The following ATP2C2 variants were observed in gnomAD, a reference collection of about 807,000 sequenced individuals.
ATP2C2 encodes ATPase secretory pathway Ca2+ transporting 2.
A neutral mutation model predicts 110.8 loss-of-function variants in ATP2C2; 171 were observed. That is an observed-to-expected ratio of 1.54 (90% CI 1.36 to 1.75). The LOEUF (loss-of-function observed/expected upper bound fraction) is 1.75, where lower values mean the gene tolerates loss of function less well. Ranked by LOEUF, ATP2C2 falls within the 40% of genes most tolerant of loss-of-function variation. The probability of loss-of-function intolerance (pLI) is 0.00; values close to 1 mark genes in which losing one functional copy is unlikely to be tolerated. For missense variants in ATP2C2, 1,963 were observed against 1,235.0 expected, an observed-to-expected ratio of 1.59 and a Z score of -8.84; for synonymous variants, 804 against 508.4, an observed-to-expected ratio of 1.58 and a Z score of -7.82.
chr16:84,406,722 C>T (rs1039549361), intron 3 of ATP2C2: 13 of 898,162 alleles, frequency 1.4e-5, no homozygotes, highest in South Asian at 1.0e-4. Flanking sequence ...TGGAGGCTCC[C>T]GGAAGTTGGG....
intron 21 of ATP2C2, among the ~76,000 whole-genome samples, chr16:84,455,410 C>G (rs1049346369): frequency 6.6e-6 from 1 of 152,142 alleles, no homozygotes; most frequent in African/African-American, 2.4e-5. Flanking sequence ...CGTTTGAGGC[C>G]TGCGTGTTGA....
chr16:84,380,512 G>A (rs533091542), intron 1 of ATP2C2, among the ~76,000 whole-genome samples: 18 of 152,162 alleles, frequency 1.2e-4, no homozygotes, highest in Middle Eastern at 3.2e-3. Context: ...TGGGGGAGGC[G>A]GAGGGAGGAA....
rs200187370 is a variant in ATP2C2, at chr16:84,460,728, G to A, written c.2408G>A (p.Arg803Lys). 1.1e-5 allele frequency: 17 copies of A among 1,614,190 alleles called. No individual in the cohort carries two copies. The Admixed American group carries it at 2.7e-4, about 25-fold the overall frequency. The change falls in exon 24 of 27, where the codon AGA (arginine) becomes AAA (lysine). Residue 803 changes from arginine to lysine, a missense_variant. By Grantham distance (26) the Arg-to-Lys change is conservative. Coordinates refer to ENST00000262429, the MANE Select transcript of ATP2C2 (RefSeq NM_014861.4). The part of the protein sequence containing the change: ...PRSVRDTILS[R>K]ALILKILMSA... Reference sequence around the variant, plus strand: ...AGTGTGCGGGACACCATCCTCAGCAGAGCCCTCATCCTGAAGATCCTCATG... The same window carrying A: ...AGTGTGCGGGACACCATCCTCAGCAAAGCCCTCATCCTGAAGATCCTCATG...
At chr16:84,440,486 C>T (rs561467295) in intron 13 of ATP2C2, among the ~76,000 whole-genome samples, 142 of 152,320 alleles carry the variant, frequency 9.3e-4, no homozygotes, top group Middle Eastern at 3.4e-3. Context: ...CTCAGTGTGC[C>T]GCAACGGCAG....
At chr16:84,426,728 T>C (rs1490710921) in intron 11 of ATP2C2, among the ~76,000 whole-genome samples, 1 of 152,196 alleles carries the variant, frequency 6.6e-6, no homozygotes, top group African/African-American at 2.4e-5. Context: ...TTTACAACTC[T>C]ATCCAAGCCC....
chr16:84,461,944 G>T, intron 25 of ATP2C2, 44 bp from the exon 26 acceptor site: 1 of 1,609,254 alleles, frequency 6.2e-7, no homozygotes, highest in East Asian at 2.2e-5. Context: ...CTGTACCTGG[G>T]GTGTGGACAG....
In ATP2C2 at chr16:84,423,178, A is replaced by G. The variant is rs908632665; in HGVS notation, c.844-10A>G. The G allele has an allele frequency of 2.5e-6, 4 of 1,613,044 alleles. No homozygotes were observed. The African/African-American group carries it at 5.3e-5, about 22-fold the overall frequency. On this transcript the variant is annotated splice_polypyrimidine_tract_variant and intron_variant, in intron 9 of 26. Transcript: ENST00000262429. The stretch of plus-strand genomic sequence containing the variant: ...CTTGTCCAACTAACCCATTGTGCTC[A>G]CCCTTTCAGACACCTAAAACTCCTT...
At chr16:84,427,816 C>T (rs1417231722) in intron 11 of ATP2C2, among the ~76,000 whole-genome samples, 2 of 152,074 alleles carry the variant, frequency 1.3e-5, no homozygotes, top group Non-Finnish European at 2.9e-5. Flanking sequence ...TGACTCCTAA[C>T]AGTTATGGGG....
At chr16:84,424,098 A>T (rs1907591199) in intron 10 of ATP2C2, among the ~76,000 whole-genome samples, 1 of 152,256 alleles carries the variant, frequency 6.6e-6, no homozygotes, top group Non-Finnish European at 1.5e-5. Context: ...ATCAAGGAAT[A>T]AACCAACAAG....
At chr16:84,449,031 A>T (rs919349739) in intron 17 of ATP2C2, among the ~76,000 whole-genome samples, 29 of 152,234 alleles carry the variant, frequency 1.9e-4, no homozygotes, top group African/African-American at 6.3e-4. Context: ...AGTTCTTTTC[A>T]GTCAAGGAAC....
intron 6 of ATP2C2, 68 bp downstream of exon 6, chr16:84,410,833 A>AGTTT: frequency 6.8e-7 from 1 of 1,480,688 alleles, no homozygotes; most frequent in Non-Finnish European, 9.4e-7. Flanking sequence ...AGTTTGGCAA[A>AGTTT]TGTTTGCTGA....
At chr16:84,453,400 C>G (rs372664414) in intron 20 of ATP2C2, 29 bp downstream of exon 20, 5 of 1,613,704 alleles carry the variant, frequency 3.1e-6, no homozygotes, top group South Asian at 1.1e-5. Flanking sequence ...GCACAGGCTG[C>G]GCTGCTGGGG....
At chr16:84,405,316 T>G in intron 3 of ATP2C2, 72 bp downstream of exon 3, 1 of 1,300,104 alleles carries the variant, frequency 7.7e-7, no homozygotes, top group Non-Finnish European at 1.1e-6. Context: ...ATTCCATCTT[T>G]CAATGTTGAT....
Position 84,408,436 on chromosome 16 carries a change from G to T in ATP2C2, c.359G>T (p.Gly120Val). ...AACCCCCTGATCCTGCTGCTGCTGG[G>T]CTCTGCCCTGGTGAGTGTCCTCACC... ...FKNPLILLLLGSALVSVLTKE... is the reference protein window; with the variant it reads ...FKNPLILLLLVSALVSVLTKE... The change falls in exon 4 of 27, where the codon GGC (glycine) becomes GTC (valine). Residue 120 changes from glycine to valine, a missense_variant. Physicochemically the swap from Gly to Val is moderately radical, Grantham distance 109. Transcript: ENST00000262429. The T allele has an allele frequency of 1.2e-6, 2 of 1,613,810 alleles. No individual in the cohort carries two copies. The highest frequency in any genetic ancestry group is 8.5e-7 in the Non-Finnish European group (1 of 1,180,004).
intron 7 of ATP2C2, among the ~76,000 whole-genome samples, chr16:84,416,578 G>C (rs1906853371): frequency 6.6e-6 from 1 of 152,140 alleles, no homozygotes; most frequent in African/African-American, 2.4e-5. Context: ...TGAAATAGGA[G>C]GCAGGGGCCA....
chr16:84,443,210 A>G (rs113419758), intron 15 of ATP2C2, among the ~76,000 whole-genome samples: 3 of 152,066 alleles, frequency 2.0e-5, no homozygotes, highest in African/African-American at 7.2e-5. Flanking sequence ...AAGAGAGGAC[A>G]AAGGACATGG....
intron 26 of ATP2C2, 27 bp from the exon 27 acceptor site, chr16:84,463,587 A>C (rs1359819053): frequency 6.3e-7 from 1 of 1,590,618 alleles, no homozygotes; most frequent in Admixed American, 1.7e-5. Flanking sequence ...GCCCGTCCTG[A>C]ATCTTTTCTG....
intron 1 of ATP2C2, among the ~76,000 whole-genome samples, chr16:84,383,344 G>A (rs1910696371): frequency 6.6e-6 from 1 of 152,210 alleles, no homozygotes; most frequent in Non-Finnish European, 1.5e-5. Flanking sequence ...CCAGGGCCTT[G>A]GTTTGCCCAT....
chr16:84,372,891 C>A (rs769012985), intron 1 of ATP2C2, among the ~76,000 whole-genome samples: 1 of 151,694 alleles, frequency 6.6e-6, no homozygotes, highest in Non-Finnish European at 1.5e-5. Context: ...GAGGCTGAGG[C>A]GTGCAGATCA....
Sources: allele counts gnomAD v4.1 joint callset (sites outside exome capture counted in the v4.1 genomes callset), GRCh38; gene constraint gnomAD v4.1.1; transcripts MANE v1.5; gene names NCBI Gene and HGNC (gene_info 2026-07-23, HGNC 2026-07-21).